Variants in PLCE1 observed in about 807,000 individuals in gnomAD.
PLCE1 encodes phospholipase C epsilon 1, also known as 1-phosphatidylinositol 4,5-bisphosphate phosphodiesterase epsilon-1.
In PLCE1, 119 loss-of-function variants were observed where a neutral mutation model predicts 242.8. The ratio of observed to expected loss-of-function variants is 0.49; its 90% CI spans 0.42 to 0.57. The LOEUF is 0.57. PLCE1 is among the 20% of genes least tolerant of loss of function. The pLI, the probability that PLCE1 is intolerant of heterozygous loss-of-function variation, is 0.00. For synonymous variants in PLCE1, 945 were observed against 1,017.4 expected, an observed-to-expected ratio of 0.93 and a Z score of 1.35; for missense variants, 2,441 against 2,788.8, an observed-to-expected ratio of 0.88 and a Z score of 2.81.
chr10:94,109,344 C>T (rs1194985476), intron 2 of PLCE1, among the ~76,000 whole-genome samples: 1 of 152,034 alleles, frequency 6.6e-6, no homozygotes, highest in Non-Finnish European at 1.5e-5. Context: ...ATTGCATTCC[C>T]CAAAATCTAA....
chr10:94,169,355 CTG>C (rs1227816710), intron 3 of PLCE1, among the ~76,000 whole-genome samples: 2 of 152,072 alleles, frequency 1.3e-5, no homozygotes, highest in South Asian at 2.1e-4. Context: ...AAAAAGGAAA[CTG>C]AACATTTGGG....
At chr10:94,024,930 C>CT (rs1221870171) in intron 1 of PLCE1, among the ~76,000 whole-genome samples, 2 of 152,068 alleles carry the variant, frequency 1.3e-5, no homozygotes, top group Non-Finnish European at 2.9e-5. Context: ...CTACCCCCAC[C>CT]TTTTTAGTTT....
chr10:94,166,444 G>C (rs1305522930), intron 3 of PLCE1, among the ~76,000 whole-genome samples: 2 of 152,144 alleles, frequency 1.3e-5, no homozygotes, highest in African/African-American at 2.4e-5. Flanking sequence ...GCCGGGTTTT[G>C]ATAAGATATA....
chr10:94,210,817 C>A (rs1419654665), intron 4 of PLCE1, among the ~76,000 whole-genome samples: 1 of 152,210 alleles, frequency 6.6e-6, no homozygotes, highest in East Asian at 1.9e-4. Flanking sequence ...CCCTCTCTGG[C>A]CATTCCTAAT....
chr10:94,123,201 A>G (rs904794253), intron 2 of PLCE1, among the ~76,000 whole-genome samples: 1 of 152,154 alleles, frequency 6.6e-6, no homozygotes, highest in Non-Finnish European at 1.5e-5. Flanking sequence ...GGAGGAGGTA[A>G]AATTTTAATA....
At chr10:94,070,151 G>A (rs1372517198) in intron 2 of PLCE1, among the ~76,000 whole-genome samples, 1 of 152,144 alleles carries the variant, frequency 6.6e-6, no homozygotes, top group African/African-American at 2.4e-5. Flanking sequence ...GGTACTGTCA[G>A]CCAATTTTAA....
rs774037165 is a variant in PLCE1 at position 94,234,239 on chromosome 10, G to T, written c.2141G>T (p.Cys714Phe). ...PFCGVFLKELCEVLDGASGLM... is the reference protein window; with the variant it reads ...PFCGVFLKELFEVLDGASGLM... ...TGTGGGGTGTTTCTGAAGGAGCTCT[G>T]TGAAGTGCTTGACGGCGCCTCCGGT... The change falls in exon 6 of 33, where the codon TGT (cysteine) becomes TTT (phenylalanine). Residue 714 changes from cysteine (C) to phenylalanine (F), a missense_variant. By Grantham distance (205) the Cys-to-Phe change is radical (BLOSUM62 -2). Around this residue, in one of 5 missense-constraint regions of PLCE1, gnomAD observed 733 missense variants for 754.2 expected, o/e 0.97. Transcript: ENST00000371380. 6.2e-7 allele frequency: 1 copy of T among 1,614,026 alleles called. No homozygotes were observed. Among genetic ancestry groups the T allele is most frequent in the Non-Finnish European group, 8.5e-7 (1 of 1,180,002 alleles).
At chr10:94,297,144 A>G (rs904402457) in intron 23 of PLCE1, among the ~76,000 whole-genome samples, 1 of 152,204 alleles carries the variant, frequency 6.6e-6, no homozygotes, top group Non-Finnish European at 1.5e-5. Flanking sequence ...CTGGGATTGC[A>G]GGCATGAGCC....
rs541672056 is a variant in PLCE1, at chr10:94,303,983, G to T, written c.5459-499G>T. Among the ~76,000 whole-genome samples, 3 of 152,190 alleles carry T rather than the reference G, an allele frequency of 2.0e-5. No individual in the cohort carries two copies. In the East Asian group the frequency reaches 5.8e-4, roughly 29 times the overall value. ...ACAGAAGGGGGAGAATATATTCAGGGCAACTTGAATCTAGGCTCCCAGGGG... is the reference window on the plus strand; with the variant it reads ...ACAGAAGGGGGAGAATATATTCAGGTCAACTTGAATCTAGGCTCCCAGGGG... On this transcript the variant is annotated intron_variant, in intron 24 of 32. Transcript: ENST00000371380.
chr10:94,056,496 C>G (rs532119145), intron 2 of PLCE1, among the ~76,000 whole-genome samples: 4 of 152,124 alleles, frequency 2.6e-5, no homozygotes, highest in African/African-American at 7.2e-5. Flanking sequence ...AATCTATAAT[C>G]CAACCACTAA....
At position 94,058,964 on chromosome 10, in the gene PLCE1, T is replaced by C. The variant is rs143772619; in HGVS notation, c.1206+26712T>C. On this transcript the variant is annotated intron_variant, in intron 2 of 32. Coordinates refer to ENST00000371380, the MANE Select transcript of PLCE1 (RefSeq NM_016341.4). ...ACTCATGAATTTTTGCTTAGTCACA[T>C]AGCGTAAACACATGTACCTATGGGC... 1.4e-3 allele frequency among the ~76,000 whole-genome samples: 207 copies of C among 152,264 alleles called. 2 individuals carry two copies. The highest frequency in any genetic ancestry group is 4.1e-3 in the African/African-American group (170 of 41,554).
At chr10:94,025,433 T>C (rs1316868787) in intron 1 of PLCE1, among the ~76,000 whole-genome samples, 2 of 152,202 alleles carry the variant, frequency 1.3e-5, no homozygotes, top group Admixed American at 6.6e-5. Flanking sequence ...GTATGTATTC[T>C]GTGCTTAGAA....
intron 4 of PLCE1, among the ~76,000 whole-genome samples, chr10:94,202,741 A>T (rs1202681139): frequency 3.9e-5 from 6 of 152,200 alleles, no homozygotes; most frequent in Non-Finnish European, 5.9e-5. Flanking sequence ...GAGTTTGTTC[A>T]TTGATTTGAT....
rs2061553512 is a variant in PLCE1, at chr10:94,031,391, T to C, written c.345T>C (p.His115=). ...NCNNILRNHQ[H]GLPQRQFYEM... ...ACAACATATTGAGAAACCATCAGCA[T>C]GGCCTTCCTCAGAGACAATTTTATG... The change falls in exon 2 of 33, where the codon CAT becomes CAC. Residue 115 remains histidine, a synonymous_variant. Transcript: ENST00000371380. The C allele has an allele frequency of 6.2e-7, 1 of 1,613,832 alleles. No homozygotes were observed. Among genetic ancestry groups the C allele is most frequent in the East Asian group, 2.2e-5 (1 of 44,876 alleles).
chr10:94,199,644 T>A lies in PLCE1; in HGVS notation c.1810-27662T>A, dbSNP rs111517793. On this transcript the variant is annotated intron_variant, in intron 4 of 32. Coordinates refer to ENST00000371380, the MANE Select transcript of PLCE1 (RefSeq NM_016341.4). Reference sequence around the variant, plus strand: ...TCTTAGACGGCAAAAAGGTTTGTCTTAGATGCATTGTGGAGTTTGTTTTGG... The same window carrying A: ...TCTTAGACGGCAAAAAGGTTTGTCTAAGATGCATTGTGGAGTTTGTTTTGG... 4.0e-3 allele frequency among the ~76,000 whole-genome samples: 613 copies of A among 152,370 alleles called. 3 individuals are homozygous for A. Among genetic ancestry groups the A allele is most frequent in the Non-Finnish European group, 5.1e-3 (344 of 68,040 alleles).
intron 7 of PLCE1, among the ~76,000 whole-genome samples, chr10:94,241,216 T>C (rs2050493291): frequency 6.6e-6 from 1 of 152,176 alleles, no homozygotes; most frequent in African/African-American, 2.4e-5. Context: ...GCTTACATCA[T>C]CTCTGAGCAG....
chr10:94,164,370 T>A (rs1275119996), intron 3 of PLCE1, among the ~76,000 whole-genome samples: 1 of 152,202 alleles, frequency 6.6e-6, no homozygotes, highest in Non-Finnish European at 1.5e-5. Context: ...CTTTTTTCTC[T>A]GAAATTCTCT....
At chr10:94,258,487 A>G (rs1396745422) in intron 11 of PLCE1, among the ~76,000 whole-genome samples, 3 of 152,212 alleles carry the variant, frequency 2.0e-5, no homozygotes, top group Non-Finnish European at 4.4e-5. Flanking sequence ...ATCTTCAGAA[A>G]CACTGAGTTA....
chr10:94,279,279 C>T (rs760016324), intron 19 of PLCE1: 4 of 174,526 alleles, frequency 2.3e-5, no homozygotes, highest in Non-Finnish European at 3.6e-5. Flanking sequence ...TTCAGAAAGC[C>T]GTTTGAAAAC....
Sources: gnomAD v4.1 joint callset for allele counts (sites outside exome capture counted in the v4.1 genomes callset) on GRCh38, gnomAD v4.1.1 for gene constraint, gnomAD v4.1.1 regional missense constraint, MANE v1.5 for transcripts, NCBI Gene and HGNC (gene_info 2026-07-23, HGNC 2026-07-21) for gene names.